PHKA2: variants seen among roughly 807,000 people sequenced by gnomAD.
The protein encoded by PHKA2 is phosphorylase kinase regulatory subunit alpha 2, also known as phosphorylase b kinase regulatory subunit alpha, liver isoform.
PHKA2 carries 31 observed loss-of-function variants against 102.0 expected under a neutral mutation model. The ratio of observed to expected loss-of-function variants is 0.30; its 90% CI spans 0.23 to 0.41. PHKA2 has a LOEUF of 0.41. Ranked by LOEUF, PHKA2 falls within the 10% of genes least tolerant of loss-of-function variation. The pLI is 1.00. For missense variants in PHKA2, 858 were observed against 1,023.1 expected (o/e 0.84, Z 2.20); for synonymous variants, 455 against 416.2 (o/e 1.09, Z -1.13).
At chrX:18,974,131 AC>A (rs1215995523) in intron 1 of PHKA2, among the ~76,000 whole-genome samples, 5 of 110,284 alleles carry the variant, frequency 4.5e-5, no homozygotes, top group African/African-American at 9.9e-5. Context: ...GCACGCCAAG[AC>A]TTTGCTCCTT....
chrX:18,894,739 TA>T (rs376181029), intron 31 of PHKA2: 16,725 of 375,382 alleles, frequency 0.045, 1,383 homozygotes, highest in African/African-American at 0.3. Context: ...GGGGTAAAAC[TA>T]AAAAAAAATC....
intron 31 of PHKA2, 88 bp from the exon 32 acceptor site, chrX:18,894,492 C>T: frequency 1.2e-6 from 1 of 835,221 alleles, no homozygotes; most frequent in Non-Finnish European, 1.8e-6. Context: ...GTGACCGTAG[C>T]AGTGCCTGGG....
intron 29 of PHKA2, 63 bp downstream of exon 29, chrX:18,899,110 G>A (rs767561823): frequency 2.3e-5 from 22 of 971,282 alleles, no homozygotes; most frequent in African/African-American, 3.8e-5. Flanking sequence ...GCATGAGGTG[G>A]GAGCATGAGG....
intron 30 of PHKA2, chrX:18,895,668 A>G (rs192645744): frequency 7.8e-6 from 1 of 128,770 alleles, no homozygotes; most frequent in Admixed American, 7.8e-5. Context: ...CATGTATATA[A>G]ATATCGAGTG....
chrX:18,982,915 A>C (rs2049195573), intron 1 of PHKA2, among the ~76,000 whole-genome samples: 1 of 112,324 alleles, frequency 8.9e-6, no homozygotes, highest in Non-Finnish European at 1.9e-5. Context: ...CTGCACTACG[A>C]TCATTTATTC....
Position 18,941,651 on chromosome X carries a change from T to G in PHKA2, c.742A>C (p.Arg248=), listed in dbSNP as rs149219369. Residue 248 remains arginine (R), a synonymous_variant, in exon 8 of 33, where the codon AGA becomes CGA. Coordinates refer to ENST00000379942, the MANE Select transcript of PHKA2 (RefSeq NM_000292.3). ...TCAATTTCTTTAGATGTCGACGCTC[T>G]TGGCAGCATGGAGAACAGAATAGAC... is the stretch of plus-strand genomic sequence containing the variant. ...CQSILFSMLP[R]ASTSKEIDAG... 2,096 of 1,172,943 alleles carry G rather than the reference T, an allele frequency of 1.8e-3. 3 individuals carry two copies. The highest frequency in any genetic ancestry group is 2.3e-3 in the Non-Finnish European group (1,967 of 860,339).
chrX:18,905,626 G>C (rs1360559694), intron 26 of PHKA2, 132 bp downstream of exon 26: 2 of 556,446 alleles, frequency 3.6e-6, no homozygotes, highest in Non-Finnish European at 6.5e-6. Flanking sequence ...TTGAGCCTAG[G>C]ACTCTGTCCA....
At chrX:18,946,362 AC>A (rs1272529031) in intron 5 of PHKA2, among the ~76,000 whole-genome samples, 2 of 110,617 alleles carry the variant, frequency 1.8e-5, no homozygotes, top group African/African-American at 6.6e-5. Context: ...AGCCCAACCC[AC>A]CTTTCCTCCA....
Position 18,924,535 on chromosome X carries a change from A to AC in PHKA2, c.1570-11_1570-10insG. 8.3e-7 allele frequency: 1 copy of AC among 1,210,086 alleles called. No individual in the cohort carries two copies. Among genetic ancestry groups the AC allele is most frequent in the Non-Finnish European group, 1.1e-6 (1 of 894,059 alleles). On this transcript the variant is annotated splice_polypyrimidine_tract_variant and intron_variant, in intron 15 of 32. Transcript: ENST00000379942. ...GATGCTGGTCGGTGAACTGAAAGTC[A>AC]GAGGAGGCTGGGTAAACGGCCACCC... is the stretch of plus-strand genomic sequence containing the variant.
intron 11 of PHKA2, among the ~76,000 whole-genome samples, chrX:18,934,715 C>T (rs1320697417): frequency 1.8e-5 from 2 of 112,384 alleles, no homozygotes; most frequent in Non-Finnish European, 3.8e-5. Context: ...TATCAGATTG[C>T]TTTAAAATTT....
At position 18,969,251 on chromosome X, in the gene PHKA2, CA is replaced by C. The variant is rs111470059; in HGVS notation, c.78+14603del. On this transcript the variant is annotated intron_variant, in intron 1 of 32. Transcript: ENST00000379942. ...TGCTCATTTTTGAGAAAATGTCTGC[CA>C]AATGCCCAAGTCTGAATGACCATAA... Among the ~76,000 whole-genome samples, 660 of 111,479 alleles carry C rather than the reference CA, an allele frequency of 5.9e-3. 6 individuals carry two copies. The highest frequency in any genetic ancestry group is 0.02 in the African/African-American group (621 of 30,702).
intron 19 of PHKA2, among the ~76,000 whole-genome samples, chrX:18,912,616 A>G (rs2047945975): frequency 9.3e-6 from 1 of 107,818 alleles, no homozygotes; most frequent in East Asian, 2.9e-4. Context: ...AAATTAAAAA[A>G]AAAAAAAAAT....
intron 20 of PHKA2, among the ~76,000 whole-genome samples, chrX:18,909,508 A>G (rs1050852024): frequency 8.9e-6 from 1 of 112,148 alleles, no homozygotes; most frequent in South Asian, 3.7e-4. Flanking sequence ...AAAATAGCCC[A>G]TATCACCAGA....
In PHKA2 at chrX:18,925,709, G is replaced by A. The variant is rs2048198785; in HGVS notation, c.1528C>T (p.Leu510=). 1 of 1,197,133 alleles carries A rather than the reference G, an allele frequency of 8.4e-7. No homozygotes were observed. The highest frequency in any genetic ancestry group is 1.1e-6 in the Non-Finnish European group (1 of 882,237). The change falls in exon 15 of 33, where the codon CTA becomes TTA. Residue 510 remains leucine (L), a synonymous_variant. Coordinates refer to ENST00000379942, the MANE Select transcript of PHKA2 (RefSeq NM_000292.3). ...RHIGVLGTSK[L]YVIRNQIFTF... ...AAGATTTGGTTCCTAATCACATATA[G>A]TTTAGAGGTTCCAAGGACACCAATA...
chrX:18,895,458 G>A (rs1204254021), intron 30 of PHKA2: 6 of 386,236 alleles, frequency 1.6e-5, no homozygotes, highest in South Asian at 7.3e-5. Context: ...GAGTCCTCCC[G>A]GGAGGCTCCG....
chrX:18,966,093 T>G (rs868342231), intron 1 of PHKA2, among the ~76,000 whole-genome samples: 2 of 92,468 alleles, frequency 2.2e-5, no homozygotes, highest in Non-Finnish European at 2.1e-5. Flanking sequence ...TTTTTTTTTG[T>G]TTTTTTTTTT....
intron 1 of PHKA2, among the ~76,000 whole-genome samples, chrX:18,964,871 C>T (rs1449825837): frequency 1.8e-5 from 2 of 112,496 alleles, no homozygotes; most frequent in Non-Finnish European, 3.7e-5. Flanking sequence ...TAATATGCCT[C>T]ATGCTTTACT....
At chrX:18,894,964 G>A in intron 31 of PHKA2, 174 bp downstream of exon 31, 1 of 525,515 alleles carries the variant, frequency 1.9e-6, no homozygotes, top group South Asian at 2.6e-5. Flanking sequence ...GCCAATAAAT[G>A]CTGGAAAGAC....
chrX:18,894,842 G>C (rs750232651), intron 31 of PHKA2: 2 of 415,668 alleles, frequency 4.8e-6, no homozygotes, highest in African/African-American at 4.9e-5. Flanking sequence ...GCAGGCCAGG[G>C]TGGCATGGAG....
Sources: gnomAD v4.1 joint callset for allele counts (sites outside exome capture counted in the v4.1 genomes callset) on GRCh38, gnomAD v4.1.1 for gene constraint, MANE v1.5 for transcripts, NCBI Gene and HGNC (gene_info 2026-07-23, HGNC 2026-07-21) for gene names.